The following LYPD6B variants were observed in gnomAD, a reference collection of about 807,000 sequenced individuals.
LYPD6B encodes the protein LY6/PLAUR domain containing 6B.
LYPD6B carries 17 observed loss-of-function variants against 22.8 expected under a neutral mutation model. The ratio of observed to expected loss-of-function variants is 0.75; its 90% CI spans 0.51 to 1.12. LYPD6B has a LOEUF of 1.12. LYPD6B is among the 50% of genes most tolerant of loss of function. The pLI is 0.00. For synonymous variants in LYPD6B, 106 were observed against 91.6 expected (o/e 1.16, Z -0.90); for missense variants, 221 against 258.3 (o/e 0.86, Z 0.99).
At chr2:149,107,972 A>C (rs1686559524) in intron 1 of LYPD6B, among the ~76,000 whole-genome samples, 2 of 152,112 alleles carry the variant, frequency 1.3e-5, no homozygotes, top group Admixed American at 1.3e-4. Context: ...ATAATGGTAG[A>C]TTTATTTATT....
At chr2:149,146,282 C>T (rs1241561153) in intron 2 of LYPD6B, among the ~76,000 whole-genome samples, 3 of 151,986 alleles carry the variant, frequency 2.0e-5, no homozygotes, top group East Asian at 1.9e-4. Context: ...GTGAGAGAGG[C>T]CAGGCTCTCC....
At chr2:149,196,336 T>C (rs995657867) in intron 3 of LYPD6B, among the ~76,000 whole-genome samples, 6 of 152,238 alleles carry the variant, frequency 3.9e-5, no homozygotes, top group Non-Finnish European at 8.8e-5. Flanking sequence ...GTCAGCATGA[T>C]ATTCTTTGCC....
chr2:149,120,735 C>A (rs570086177), intron 1 of LYPD6B, among the ~76,000 whole-genome samples: 2 of 140,340 alleles, frequency 1.4e-5, no homozygotes, highest in African/African-American at 5.4e-5. Flanking sequence ...AATATGTGTT[C>A]TATTTATCAT....
At chr2:149,189,824 C>A (rs1376848626) in intron 3 of LYPD6B, among the ~76,000 whole-genome samples, 1 of 152,064 alleles carries the variant, frequency 6.6e-6, no homozygotes, top group Non-Finnish European at 1.5e-5. Context: ...TTGTCAGGTA[C>A]CCCTATGCCC....
intron 1 of LYPD6B, chr2:149,118,313 T>A (rs1457446808): frequency 2.0e-5 from 3 of 152,226 alleles, no homozygotes; most frequent in African/African-American, 7.2e-5. Flanking sequence ...GGGTTTGATA[T>A]ATACTTTTAA....
chr2:149,070,154 T>C (rs1300739759), intron 1 of LYPD6B, among the ~76,000 whole-genome samples: 1 of 152,096 alleles, frequency 6.6e-6, no homozygotes, highest in East Asian at 1.9e-4. Context: ...TGTCTCCCAG[T>C]GAGCACCAGG....
intron 1 of LYPD6B, among the ~76,000 whole-genome samples, chr2:149,087,658 A>G (rs1685460840): frequency 6.6e-6 from 1 of 152,146 alleles, no homozygotes; most frequent in Non-Finnish European, 1.5e-5. Context: ...TTGCCCACCT[A>G]CTAACAGGTA....
intron 1 of LYPD6B, among the ~76,000 whole-genome samples, chr2:149,107,255 G>T (rs1302864021): frequency 1.3e-5 from 2 of 152,142 alleles, no homozygotes; most frequent in Non-Finnish European, 2.9e-5. Flanking sequence ...AGGATACTAA[G>T]TGACTAATGG....
chr2:149,146,803 G>A (rs1212475191), intron 2 of LYPD6B, among the ~76,000 whole-genome samples: 1 of 151,952 alleles, frequency 6.6e-6, no homozygotes, highest in Non-Finnish European at 1.5e-5. Context: ...AGACTTTAGG[G>A]GCTGGTAGCT....
intron 1 of LYPD6B, among the ~76,000 whole-genome samples, chr2:149,095,550 G>C (rs776870344): frequency 6.6e-6 from 1 of 152,192 alleles, no homozygotes; most frequent in Non-Finnish European, 1.5e-5. Context: ...AGCTAATCTA[G>C]TTAATTATTG....
At chr2:149,113,182 G>A (rs1686842541) in intron 1 of LYPD6B, among the ~76,000 whole-genome samples, 1 of 99,946 alleles carries the variant, frequency 1.0e-5, no homozygotes, top group Non-Finnish European at 2.1e-5. Flanking sequence ...CTTTAGATTT[G>A]TAAGGAGGTT....
chr2:149,113,850 G>A lies in LYPD6B; in HGVS notation c.-66-17033G>A, dbSNP rs529929446. 2.0e-5 allele frequency among the ~76,000 whole-genome samples: 3 copies of A among 152,252 alleles called. No individual in the cohort carries two copies. In the South Asian group the frequency reaches 6.2e-4, roughly 32 times the overall value. On this transcript the variant is annotated intron_variant, in intron 1 of 6. Transcript: ENST00000409642. ...AGTGAACTGCATGGTTACTTTTCAG[G>A]AGATGAAATTATCTTCACTACATTA... is the stretch of plus-strand genomic sequence containing the variant.
intron 2 of LYPD6B, among the ~76,000 whole-genome samples, chr2:149,146,635 C>A (rs1395782849): frequency 1.3e-5 from 2 of 151,714 alleles, no homozygotes; most frequent in African/African-American, 4.8e-5. Context: ...TAAAGAGAAC[C>A]CCTAGATATT....
At chr2:149,196,541 A>T (rs532894325) in intron 3 of LYPD6B, among the ~76,000 whole-genome samples, 1 of 152,210 alleles carries the variant, frequency 6.6e-6, no homozygotes, top group African/African-American at 2.4e-5. Flanking sequence ...GGACAGATGC[A>T]TAGTAACAAT....
At chr2:149,209,863 T>C (rs895702577) in intron 5 of LYPD6B, among the ~76,000 whole-genome samples, 4 of 152,224 alleles carry the variant, frequency 2.6e-5, no homozygotes, top group Non-Finnish European at 4.4e-5. Flanking sequence ...TGTGCGCTTA[T>C]GAGTGTATGT....
rs67113716 is a variant in LYPD6B, at chr2:149,173,349, C to CTTTTTTTTTTTTTTTTT, written c.77+12518_77+12534dup. Among the ~76,000 whole-genome samples the CTTTTTTTTTTTTTTTTT allele has an allele frequency of 1.4e-3, 80 of 58,486 alleles. 5 individuals are homozygous for CTTTTTTTTTTTTTTTTT. Among genetic ancestry groups the CTTTTTTTTTTTTTTTTT allele is most frequent in the East Asian group, 2.2e-3 (4 of 1,818 alleles). The allele number at this position is 58,486 out of a possible 152,430, so 38.4% of individuals were successfully genotyped here. A position where few individuals can be genotyped will look rare whatever the true frequency, so the allele number is the denominator to read the frequency against. ...AGCTTGATGCTTTAGTCTGTCAGGC[C>CTTTTTTTTTTTTTTTTT]TTTTTTTTTTTTTTTTTTTTGCATC... On this transcript the variant is annotated intron_variant, in intron 3 of 6. Coordinates refer to ENST00000409642, the MANE Select transcript of LYPD6B (RefSeq NM_177964.5).
intron 1 of LYPD6B, among the ~76,000 whole-genome samples, chr2:149,054,315 T>G (rs1479491252): frequency 6.6e-6 from 1 of 152,248 alleles, no homozygotes; most frequent in Non-Finnish European, 1.5e-5. Context: ...AATATTTCTT[T>G]GTGGTTTTAA....
chr2:149,214,774 G>A lies in LYPD6B; in HGVS notation c.*64G>A, dbSNP rs570856024. On this transcript the variant is annotated 3_prime_UTR_variant, in exon 7 of 7. Transcript: ENST00000409642. Reference sequence around the variant, plus strand: ...AGCACAAGCCAAAAACTGTGTGAACGGTGAACTTTGGAGTGAAGATCAATC... The same window carrying A: ...AGCACAAGCCAAAAACTGTGTGAACAGTGAACTTTGGAGTGAAGATCAATC... The A allele has an allele frequency of 1.9e-4, 292 of 1,534,156 alleles. 2 individuals carry two copies. The South Asian group carries it at 2.4e-3, about 13-fold the overall frequency.
chr2:149,049,221 C>T (rs920363901), intron 1 of LYPD6B, among the ~76,000 whole-genome samples: 1 of 152,208 alleles, frequency 6.6e-6, no homozygotes, highest in Non-Finnish European at 1.5e-5. Context: ...GAGTTCTTCT[C>T]ATTTCACTTT....
Sources: gnomAD v4.1 joint callset for allele counts (sites outside exome capture counted in the v4.1 genomes callset) on GRCh38, gnomAD v4.1.1 for gene constraint, MANE v1.5 for transcripts, NCBI Gene and HGNC (gene_info 2026-07-23, HGNC 2026-07-21) for gene names.